The following DPP4 variants were observed in gnomAD, a reference collection of about 807,000 sequenced individuals.
The protein encoded by DPP4 is dipeptidyl peptidase 4, also known as ADCP-2.
A neutral mutation model predicts 122.4 loss-of-function variants in DPP4; 93 were observed. The observed-to-expected ratio is 0.76, with a 90% confidence interval of 0.64 to 0.90. DPP4 has a LOEUF of 0.90. DPP4 is among the 40% of genes least tolerant of loss of function. DPP4 has a pLI of 0.00. For missense variants in DPP4, 914 were observed against 907.3 expected (o/e 1.01, Z -0.09); for synonymous variants, 321 against 302.9 (o/e 1.06, Z -0.62).
At chr2:162,015,378 T>A (rs1682871457) in intron 18 of DPP4, among the ~76,000 whole-genome samples, 1 of 152,230 alleles carries the variant, frequency 6.6e-6, no homozygotes, top group African/African-American at 2.4e-5. Context: ...ACTATTGTTA[T>A]GCCTTCTGAT....
chr2:162,039,760 T>A (rs570918304), intron 5 of DPP4, among the ~76,000 whole-genome samples: 4 of 150,914 alleles, frequency 2.7e-5, no homozygotes, highest in South Asian at 2.1e-4. Flanking sequence ...GGAAATAAAA[T>A]TTTTTTTTAA....
chr2:162,008,230 T>C (rs1701333699), intron 22 of DPP4, among the ~76,000 whole-genome samples: 2 of 152,242 alleles, frequency 1.3e-5, no homozygotes, highest in Admixed American at 1.3e-4. Flanking sequence ...TACATACTTC[T>C]CTCACTCTGC....
intron 22 of DPP4, among the ~76,000 whole-genome samples, chr2:162,007,678 C>A (rs1701317179): frequency 6.6e-6 from 1 of 152,042 alleles, no homozygotes; most frequent in Non-Finnish European, 1.5e-5. Flanking sequence ...TCCAACAGAA[C>A]AATTAATATC....
chr2:162,005,078 G>A (rs1343959955), intron 23 of DPP4, among the ~76,000 whole-genome samples: 1 of 152,218 alleles, frequency 6.6e-6, no homozygotes, highest in Non-Finnish European at 1.5e-5. Flanking sequence ...TGGCACCAGA[G>A]ACAATGCTCT....
intron 24 of DPP4, 52 bp from the exon 25 acceptor site, chr2:161,995,086 T>C: frequency 6.3e-7 from 1 of 1,593,102 alleles, no homozygotes; most frequent in Non-Finnish European, 8.6e-7. Flanking sequence ...TCCAGTTTTC[T>C]GGTACCAAGG....
chr2:162,011,830 C>T lies in DPP4; in HGVS notation c.1795G>A (p.Gly599Arg), dbSNP rs1485439737. Residue 599 changes from glycine (G) to arginine (R), a missense_variant, in exon 20 of 26, where the codon GGA becomes AGA. Physicochemically the swap from Gly to Arg is moderately radical, Grantham distance 125. Coordinates refer to ENST00000360534, the MANE Select transcript of DPP4 (RefSeq NM_001935.4). ...KIMHAINRRL[G>R]TFEVEDQIEA... ...ATTTGATCTTCAACTTCAAATGTTC[C>T]CAGTCTTCTGTTGATTGCATGCATG... 1 of 1,613,534 alleles carries T rather than the reference C, an allele frequency of 6.2e-7. No individual in the cohort carries two copies.
chr2:162,047,017 A>T lies in DPP4; in HGVS notation c.194-11T>A. ...AGAGATATTCATGATCTAAAGAGAG[A>T]AAACACCCAGATCAAAATTTCAAGT... On this transcript the variant is annotated splice_polypyrimidine_tract_variant and intron_variant, in intron 3 of 25. Transcript: ENST00000360534. 7.0e-7 allele frequency: 1 copy of T among 1,429,720 alleles called. No homozygotes were observed. The allele number at this position is 1,429,720 out of a possible 1,614,324, so 88.6% of individuals were successfully genotyped here. A position where few individuals can be genotyped will look rare whatever the true frequency, so the allele number is the denominator to read the frequency against.
chr2:162,025,030 A>G (rs1237480490), intron 10 of DPP4, 91 bp from the exon 11 acceptor site: 1 of 1,404,402 alleles, frequency 7.1e-7, no homozygotes, highest in Non-Finnish European at 9.6e-7. Context: ...ACTCAGTGAA[A>G]AGAAATCAAT....
intron 1 of DPP4, 57 bp from the exon 2 acceptor site, chr2:162,073,543 T>C: frequency 6.4e-7 from 1 of 1,568,380 alleles, no homozygotes; most frequent in Non-Finnish European, 8.8e-7. Flanking sequence ...CCAGTTTCCG[T>C]AGGAGGGTCG....
At chr2:162,053,522 TA>T (rs1291270311) in intron 2 of DPP4, among the ~76,000 whole-genome samples, 1 of 152,158 alleles carries the variant, frequency 6.6e-6, no homozygotes, top group African/African-American at 2.4e-5. Context: ...ATGCCGTCCG[TA>T]GGCCACAGGT....
chr2:162,052,243 A>G (rs1193783490), intron 2 of DPP4, among the ~76,000 whole-genome samples: 1 of 148,348 alleles, frequency 6.7e-6, no homozygotes, highest in Non-Finnish European at 1.5e-5. Context: ...GCTTGAACCC[A>G]GGAGGCAGAG....
At chr2:162,047,064 G>A (rs1416172877) in intron 3 of DPP4, 58 bp from the exon 4 acceptor site, 1 of 939,764 alleles carries the variant, frequency 1.1e-6, no homozygotes, top group African/African-American at 1.6e-5. Flanking sequence ...ATCTTCATAA[G>A]CTGAAAATTA....
intron 2 of DPP4, among the ~76,000 whole-genome samples, chr2:162,071,534 CG>C (rs1685118867): frequency 6.6e-6 from 1 of 152,002 alleles, no homozygotes; most frequent in Non-Finnish European, 1.5e-5. Context: ...CCCAGCTACT[CG>C]GGAGGCTGAG....
rs768479285 is a variant in DPP4 at position 162,018,817 on chromosome 2, G to A, written c.1332C>T (p.Cys444=). ...IQLSDYTKVT[C]LSCELNPERC... ...TTTCCGGATTCAGCTCACAACTGAG[G>A]CATGTCACTTTTGTATAGTCACTAA... Residue 444 remains cysteine (C), a synonymous_variant, in exon 16 of 26, where the codon TGC becomes TGT. Transcript: ENST00000360534. 5 of 1,614,040 alleles carry A rather than the reference G, an allele frequency of 3.1e-6. No homozygotes were observed. The highest frequency in any genetic ancestry group is 4.2e-6 in the Non-Finnish European group (5 of 1,180,032).
At chr2:162,068,750 C>T (rs771587289) in intron 2 of DPP4, among the ~76,000 whole-genome samples, 3 of 152,052 alleles carry the variant, frequency 2.0e-5, no homozygotes, top group Non-Finnish European at 4.4e-5. Flanking sequence ...TAAACAGAAC[C>T]ATTCAAAAGC....
At chr2:162,035,578 A>G (rs1383427292) in intron 8 of DPP4, among the ~76,000 whole-genome samples, 1 of 152,196 alleles carries the variant, frequency 6.6e-6, no homozygotes, top group East Asian at 1.9e-4. Context: ...ATTTAATATA[A>G]GCTCTACATT....
chr2:162,020,759 A>G (rs552335250), intron 12 of DPP4, 71 bp from the exon 13 acceptor site: 10 of 1,143,350 alleles, frequency 8.7e-6, no homozygotes, highest in Non-Finnish European at 1.3e-5. Context: ...TTAGTTTTAG[A>G]AAGTCCTGTC....
intron 2 of DPP4, among the ~76,000 whole-genome samples, chr2:162,056,655 A>G (rs1028227918): frequency 6.6e-6 from 1 of 152,210 alleles, no homozygotes; most frequent in African/African-American, 2.4e-5. Flanking sequence ...TGCAGCAAGG[A>G]TGGTAATAGT....
intron 13 of DPP4, 49 bp downstream of exon 13, chr2:162,020,532 A>C (rs79237458): frequency 8.6e-6 from 4 of 466,706 alleles, no homozygotes; most frequent in Non-Finnish European, 1.2e-5. Context: ...GTTGGTTTCC[A>C]AAAAAAAAAA....
Sources: allele counts gnomAD v4.1 joint callset (sites outside exome capture counted in the v4.1 genomes callset), GRCh38; gene constraint gnomAD v4.1.1; transcripts MANE v1.5; gene names NCBI Gene and HGNC (gene_info 2026-07-23, HGNC 2026-07-21).